The following HHIPL1 variants were observed in gnomAD, a reference collection of about 807,000 sequenced individuals.
HHIPL1 encodes HHIP-like protein 1.
HHIPL1 carries 43 observed loss-of-function variants against 61.8 expected under a neutral mutation model. That is an observed-to-expected ratio of 0.70 (90% CI 0.55 to 0.90). The LOEUF (loss-of-function observed/expected upper bound fraction) is 0.90. HHIPL1 is among the 40% of genes least tolerant of loss of function. HHIPL1 has a pLI of 0.00. For synonymous variants in HHIPL1, 482 were observed against 515.8 expected, an observed-to-expected ratio of 0.93 and a Z score of 0.89; for missense variants, 1,056 against 1,157.7, an observed-to-expected ratio of 0.91 and a Z score of 1.28.
At chr14:99,635,236 G>A in the HHIPL1 span, among the ~76,000 whole-genome samples, 1 of 152,188 alleles carries the variant, frequency 6.6e-6, no homozygotes, top group African/African-American at 2.4e-5. Context: ...GGCGTCCAGG[G>A]AACATGGAGA....
At chr14:99,667,823 C>T (rs756779270) in intron 6 of HHIPL1, among the ~76,000 whole-genome samples, 2 of 152,222 alleles carry the variant, frequency 1.3e-5, no homozygotes, top group South Asian at 2.1e-4. Flanking sequence ...CATGTGCCTG[C>T]GGGTCCCCTG....
chr14:99,622,960 A>G, the HHIPL1 span, among the ~76,000 whole-genome samples: 1 of 152,246 alleles, frequency 6.6e-6, no homozygotes, highest in South Asian at 2.1e-4. Context: ...GAGTTAAGAC[A>G]GAGACAGTGC....
At chr14:99,633,718 G>A in the HHIPL1 span, among the ~76,000 whole-genome samples, 2 of 152,226 alleles carry the variant, frequency 1.3e-5, no homozygotes, top group East Asian at 3.8e-4. Flanking sequence ...CCTTACAGGG[G>A]CCACTGTCCT....
At chr14:99,638,535 G>A in the HHIPL1 span, among the ~76,000 whole-genome samples, 10 of 152,250 alleles carry the variant, frequency 6.6e-5, no homozygotes, top group South Asian at 4.1e-4. Context: ...GATGCCTGCC[G>A]GGCTCCTGGA....
At chr14:99,669,243 A>G in intron 7 of HHIPL1, 1 of 1,125,186 alleles carries the variant, frequency 8.9e-7, no homozygotes, top group Non-Finnish European at 1.1e-6. Context: ...AGACTCAGGA[A>G]CACTTGATGA....
the HHIPL1 span, among the ~76,000 whole-genome samples, chr14:99,630,219 G>GAT: frequency 6.6e-6 from 1 of 152,220 alleles, no homozygotes; most frequent in Non-Finnish European, 1.5e-5. Flanking sequence ...AGGGCACTGA[G>GAT]GCCATTTGGT....
the HHIPL1 span, among the ~76,000 whole-genome samples, chr14:99,637,043 G>GAAA: frequency 1.1e-5 from 1 of 90,356 alleles, no homozygotes; most frequent in Non-Finnish European, 2.4e-5. Flanking sequence ...AAGAAAGAAA[G>GAAA]AAAGAAGGAA....
At chr14:99,615,466 C>T in the HHIPL1 span, among the ~76,000 whole-genome samples, 1 of 152,032 alleles carries the variant, frequency 6.6e-6, no homozygotes, top group African/African-American at 2.4e-5. Context: ...GTTACTAGAG[C>T]CCGGGAGGTT....
At chr14:99,635,848 A>G in the HHIPL1 span, among the ~76,000 whole-genome samples, 1 of 152,100 alleles carries the variant, frequency 6.6e-6, no homozygotes, top group Non-Finnish European at 1.5e-5. Context: ...TTTCAAATTA[A>G]TCACACATAT....
chr14:99,661,421 A>G (rs866062830), intron 5 of HHIPL1, among the ~76,000 whole-genome samples: 11 of 143,512 alleles, frequency 7.7e-5, no homozygotes, highest in South Asian at 4.6e-4. Flanking sequence ...GAGAGAGAAA[A>G]GAAGGAAGGA....
the HHIPL1 span, among the ~76,000 whole-genome samples, chr14:99,634,267 G>A: frequency 6.6e-6 from 1 of 152,162 alleles, no homozygotes; most frequent in South Asian, 2.1e-4. Flanking sequence ...GGCCTGGGGT[G>A]GCATCTGTCA....
chr14:99,617,147 A>C, the HHIPL1 span, among the ~76,000 whole-genome samples: 1 of 152,224 alleles, frequency 6.6e-6, no homozygotes, highest in Non-Finnish European at 1.5e-5. Flanking sequence ...TGAAAAATTA[A>C]GAAGAGACAC....
At chr14:99,619,414 A>G in the HHIPL1 span, among the ~76,000 whole-genome samples, 1 of 151,194 alleles carries the variant, frequency 6.6e-6, no homozygotes, top group East Asian at 1.9e-4. Context: ...GTGGGCCGAG[A>G]TCGCACTGTT....
At position 99,680,379 on chromosome 14, in the gene HHIPL1, C is replaced by CA. The variant is rs2056428356; in HGVS notation, c.*4754dup. On this transcript the variant is annotated 3_prime_UTR_variant, in exon 9 of 9. Coordinates refer to ENST00000330710, the MANE Select transcript of HHIPL1 (RefSeq NM_001127258.3). ...ACACAGGTTGCTGGGTCCTGTCTCT[C>CA]AGAGTTTTTGACTCAGTCTTGGTTG... 6.6e-6 allele frequency: 1 copy of CA among 152,204 alleles called. No individual in the cohort carries two copies. Among genetic ancestry groups the CA allele is most frequent in the South Asian group, 2.1e-4 (1 of 4,826 alleles). The allele number at this position is 152,204 out of a possible 1,614,324, so 9.4% of individuals were successfully genotyped here.
the HHIPL1 span, among the ~76,000 whole-genome samples, chr14:99,635,006 C>T: frequency 6.6e-6 from 1 of 152,308 alleles, no homozygotes; most frequent in Non-Finnish European, 1.5e-5. Flanking sequence ...CCCCCAGTCA[C>T]TACCTCCCCT....
intron 6 of HHIPL1, among the ~76,000 whole-genome samples, chr14:99,667,424 A>G (rs190330842): frequency 9.3e-5 from 14 of 151,334 alleles, no homozygotes; most frequent in Non-Finnish European, 1.3e-4. Context: ...GAGTGGGAGG[A>G]GCAGGGAGAA....
intron 6 of HHIPL1, among the ~76,000 whole-genome samples, chr14:99,663,901 G>A (rs1474976930): frequency 6.6e-6 from 1 of 152,234 alleles, no homozygotes; most frequent in Non-Finnish European, 1.5e-5. Flanking sequence ...GTGTGGAAGA[G>A]AGCCTCCCCA....
the HHIPL1 span, among the ~76,000 whole-genome samples, chr14:99,606,954 T>C: frequency 6.8e-6 from 1 of 147,968 alleles, no homozygotes; most frequent in South Asian, 2.2e-4. Flanking sequence ...CAGCAGTAGG[T>C]GCCATGCCCC....
chr14:99,656,513 C>T lies in HHIPL1; in HGVS notation c.903-487C>T, dbSNP rs1200418019. ...TTTCCAGGCTGGGCATGGTGTCTCA[C>T]GCCTGTAATCACAGCACTTTGGGAA... On this transcript the variant is annotated intron_variant, in intron 2 of 8. Transcript: ENST00000330710. Among the ~76,000 whole-genome samples, 5 of 152,114 alleles carry T rather than the reference C, an allele frequency of 3.3e-5. No homozygotes were observed. In the South Asian group the frequency reaches 8.3e-4, roughly 25 times the overall value.
Sources: allele counts gnomAD v4.1 joint callset (sites outside exome capture counted in the v4.1 genomes callset), GRCh38; gene constraint gnomAD v4.1.1; transcripts MANE v1.5; gene names NCBI Gene and HGNC (gene_info 2026-07-23, HGNC 2026-07-21).